ST6GALNAC3: variants seen among roughly 807,000 people sequenced by gnomAD.
ST6GALNAC3 encodes ST6 N-acetylgalactosaminide alpha-2,6-sialyltransferase 3.
A neutral mutation model predicts 32.7 loss-of-function variants in ST6GALNAC3; 25 were observed. That is an observed-to-expected ratio of 0.76 (90% CI 0.56 to 1.07). The LOEUF (loss-of-function observed/expected upper bound fraction) is 1.07. ST6GALNAC3 is among the 50% of genes least tolerant of loss of function. The pLI is 0.00. For missense variants in ST6GALNAC3, 355 were observed against 382.4 expected, an observed-to-expected ratio of 0.93 and a Z score of 0.60; for synonymous variants, 129 against 133.1, an observed-to-expected ratio of 0.97 and a Z score of 0.21.
chr1:76,388,340 G>A (rs1652260169), intron 2 of ST6GALNAC3, among the ~76,000 whole-genome samples: 1 of 152,142 alleles, frequency 6.6e-6, no homozygotes, highest in Admixed American at 6.5e-5. Context: ...TATCTCCATG[G>A]AACGCCAATT....
chr1:76,093,275 C>CTG lies in ST6GALNAC3; in HGVS notation c.18+18396_18+18397dup, dbSNP rs1647074702. Among the ~76,000 whole-genome samples, 3 of 152,318 alleles carry CTG rather than the reference C, an allele frequency of 2.0e-5. No homozygotes were observed. In the South Asian group the frequency reaches 6.2e-4, roughly 32 times the overall value. On this transcript the variant is annotated intron_variant, in intron 1 of 4. Transcript: ENST00000328299. ...TCCCTTGGCACTGCCTGTCTCAATG[C>CTG]TGTGTGCTGTGGACTGGGGACACTT...
chr1:76,496,406 G>A (rs193021950), intron 3 of ST6GALNAC3, among the ~76,000 whole-genome samples: 1 of 152,268 alleles, frequency 6.6e-6, no homozygotes, highest in African/African-American at 2.4e-5. Flanking sequence ...AGATGCGAGG[G>A]ATGGATTCAA....
intron 1 of ST6GALNAC3, among the ~76,000 whole-genome samples, chr1:76,244,526 C>T (rs985789908): frequency 6.6e-6 from 1 of 151,950 alleles, no homozygotes; most frequent in African/African-American, 2.4e-5. Flanking sequence ...GTCTTGTGCC[C>T]GTTTTGAAAG....
chr1:76,328,963 TG>T (rs1557791868), intron 2 of ST6GALNAC3, among the ~76,000 whole-genome samples: 2 of 152,208 alleles, frequency 1.3e-5, no homozygotes, highest in Admixed American at 6.5e-5. Context: ...GGCATGAGTC[TG>T]TGGTCAATTT....
chr1:76,261,164 A>C (rs1658211888), intron 1 of ST6GALNAC3, among the ~76,000 whole-genome samples: 1 of 152,118 alleles, frequency 6.6e-6, no homozygotes, highest in Non-Finnish European at 1.5e-5. Flanking sequence ...AGGCCACTTG[A>C]ATGTGTTCTT....
intron 2 of ST6GALNAC3, among the ~76,000 whole-genome samples, chr1:76,361,977 C>CAA (rs386367380): frequency 0.16 from 10,176 of 62,870 alleles, 479 homozygotes; most frequent in South Asian, 0.29. Context: ...GACTCTGTAT[C>CAA]AAAAAAAAAA....
At chr1:76,136,890 A>G (rs1476901866) in intron 1 of ST6GALNAC3, among the ~76,000 whole-genome samples, 1 of 152,352 alleles carries the variant, frequency 6.6e-6, no homozygotes, top group African/African-American at 2.4e-5. Flanking sequence ...TACAAATCCC[A>G]GTAACGATGC....
intron 1 of ST6GALNAC3, among the ~76,000 whole-genome samples, chr1:76,233,355 T>C (rs1386005468): frequency 6.6e-6 from 1 of 152,138 alleles, no homozygotes; most frequent in Non-Finnish European, 1.5e-5. Context: ...TAAAAAACTT[T>C]ACAAGTTTCA....
At chr1:76,552,510 C>T (rs958390600) in intron 3 of ST6GALNAC3, among the ~76,000 whole-genome samples, 1 of 152,150 alleles carries the variant, frequency 6.6e-6, no homozygotes, top group African/African-American at 2.4e-5. Context: ...TCTAGTCAGC[C>T]ATCTTGAAGC....
At chr1:76,475,184 G>T (rs1291525874) in intron 3 of ST6GALNAC3, among the ~76,000 whole-genome samples, 3 of 152,146 alleles carry the variant, frequency 2.0e-5, no homozygotes, top group Non-Finnish European at 4.4e-5. Flanking sequence ...AAAAATAAAA[G>T]ATAGTGTCTC....
chr1:76,237,469 C>T (rs558234245), intron 1 of ST6GALNAC3, among the ~76,000 whole-genome samples: 3 of 152,144 alleles, frequency 2.0e-5, no homozygotes, highest in Non-Finnish European at 4.4e-5. Flanking sequence ...TTAGCTAAGC[C>T]TTTAGGTTCA....
At chr1:76,313,771 T>C in intron 1 of ST6GALNAC3, 34 bp from the exon 2 acceptor site, 1 of 1,608,672 alleles carries the variant, frequency 6.2e-7, no homozygotes, top group Non-Finnish European at 8.5e-7. Flanking sequence ...TGAAAGTCAT[T>C]CGTTCTTCTT....
At chr1:76,431,456 T>G (rs1264395381) in intron 3 of ST6GALNAC3, among the ~76,000 whole-genome samples, 1 of 152,252 alleles carries the variant, frequency 6.6e-6, no homozygotes, top group African/African-American at 2.4e-5. Flanking sequence ...TTTGTAGCTC[T>G]TCATTTCATA....
intron 1 of ST6GALNAC3, among the ~76,000 whole-genome samples, chr1:76,112,547 G>A (rs1221154495): frequency 2.0e-5 from 3 of 151,870 alleles, no homozygotes; most frequent in Admixed American, 6.5e-5. Flanking sequence ...CGGACGGGGT[G>A]GCTGCCGGGC....
intron 3 of ST6GALNAC3, among the ~76,000 whole-genome samples, chr1:76,590,532 G>A (rs997978951): frequency 6.6e-6 from 1 of 152,258 alleles, no homozygotes; most frequent in African/African-American, 2.4e-5. Context: ...TAACAACACT[G>A]CTAATACTGA....
At chr1:76,327,652 C>A (rs1176910300) in intron 2 of ST6GALNAC3, among the ~76,000 whole-genome samples, 1 of 152,192 alleles carries the variant, frequency 6.6e-6, no homozygotes, top group African/African-American at 2.4e-5. Flanking sequence ...GGCAGTGGTG[C>A]AATCTCGGCT....
chr1:76,515,367 A>G (rs1224037203), intron 3 of ST6GALNAC3, among the ~76,000 whole-genome samples: 1 of 152,056 alleles, frequency 6.6e-6, no homozygotes, highest in African/African-American at 2.4e-5. Flanking sequence ...TTATCTTTAA[A>G]AAAACCAACT....
intron 1 of ST6GALNAC3, among the ~76,000 whole-genome samples, chr1:76,112,413 C>CG (rs1181668884): frequency 3.3e-3 from 469 of 141,194 alleles, no homozygotes; most frequent in African/African-American, 0.012. Context: ...GCTGGCCGGG[C>CG]GGGGGGCTAA....
chr1:76,225,182 T>C (rs1442306934), intron 1 of ST6GALNAC3, among the ~76,000 whole-genome samples: 1 of 152,188 alleles, frequency 6.6e-6, no homozygotes, highest in Non-Finnish European at 1.5e-5. Flanking sequence ...AAATTCTTTA[T>C]GCTGAAAGGC....
Sources: allele counts gnomAD v4.1 joint callset (sites outside exome capture counted in the v4.1 genomes callset), GRCh38; gene constraint gnomAD v4.1.1; transcripts MANE v1.5; gene names NCBI Gene and HGNC (gene_info 2026-07-23, HGNC 2026-07-21).